Variants in AGTPBP1 observed in about 807,000 individuals in gnomAD.
AGTPBP1 encodes the protein ATP/GTP binding carboxypeptidase 1.
In AGTPBP1, 70 loss-of-function variants were observed where a neutral mutation model predicts 143.9. The observed-to-expected ratio is 0.49, with a 90% CI of 0.40 to 0.59. AGTPBP1 has a LOEUF of 0.59. Ranked by LOEUF, AGTPBP1 falls within the 20% of genes least tolerant of loss-of-function variation. The probability of loss-of-function intolerance (pLI) is 0.00; values close to 1 mark genes in which losing one functional copy is unlikely to be tolerated. For synonymous variants in AGTPBP1, 463 were observed against 500.2 expected (o/e 0.93, Z 0.99); for missense variants, 1,229 against 1,464.5 (o/e 0.84, Z 2.62).
chr9:85,638,589 C>T lies in AGTPBP1; in HGVS notation c.1302+4238G>A, dbSNP rs944796016. ...TTGGTATTTTTAAAATCCAACTATA[C>T]GCTGTTTAAAAAATACACATCGAAG... On this transcript the variant is annotated intron_variant, in intron 13 of 25. Transcript: ENST00000357081. Among the ~76,000 whole-genome samples, 14 of 151,786 alleles carry T rather than the reference C, an allele frequency of 9.2e-5. No individual in the cohort carries two copies. In the South Asian group the frequency reaches 1.7e-3, roughly 18 times the overall value.
At chr9:85,571,991 G>C (rs1827499001) in intron 25 of AGTPBP1, among the ~76,000 whole-genome samples, 1 of 114,116 alleles carries the variant, frequency 8.8e-6, no homozygotes, top group Non-Finnish European at 1.9e-5. Flanking sequence ...GCCATTATTA[G>C]TTGTTTGTGT....
chr9:85,798,362 C>CTTTTTTTTTTTTTT, the AGTPBP1 span, among the ~76,000 whole-genome samples: 1 of 119,268 alleles, frequency 8.4e-6, no homozygotes, highest in Admixed American at 8.3e-5. Context: ...CCTCCAAGTT[C>CTTTTTTTTTTTTTT]TTTTTTTTTT....
intron 25 of AGTPBP1, among the ~76,000 whole-genome samples, chr9:85,564,553 C>G (rs1826955187): frequency 6.6e-6 from 1 of 152,170 alleles, no homozygotes; most frequent in Admixed American, 6.5e-5. Flanking sequence ...TTTTACTGTG[C>G]TTTTTCTATA....
chr9:85,556,849 G>A (rs1008189536), intron 25 of AGTPBP1, among the ~76,000 whole-genome samples: 3 of 152,104 alleles, frequency 2.0e-5, no homozygotes, highest in Non-Finnish European at 4.4e-5. Flanking sequence ...GGACACATTC[G>A]CAGTGATAGG....
At chr9:85,712,853 G>C (rs751788062) in intron 1 of AGTPBP1, among the ~76,000 whole-genome samples, 1 of 152,230 alleles carries the variant, frequency 6.6e-6, no homozygotes. Context: ...AAGATCTTTT[G>C]AGACAGTTCA....
chr9:85,644,616 T>A (rs1200285240), intron 12 of AGTPBP1, among the ~76,000 whole-genome samples: 1 of 152,114 alleles, frequency 6.6e-6, no homozygotes, highest in Non-Finnish European at 1.5e-5. Context: ...AAAGTTCTGC[T>A]AGTTAAGGAA....
chr9:85,714,306 A>AGT (rs1483566034), intron 1 of AGTPBP1, among the ~76,000 whole-genome samples: 1 of 152,224 alleles, frequency 6.6e-6, no homozygotes, highest in African/African-American at 2.4e-5. Context: ...CTCAGTTGCC[A>AGT]GTGTGTGTTT....
At chr9:85,646,137 T>A (rs1050439297) in intron 12 of AGTPBP1, among the ~76,000 whole-genome samples, 184 bp downstream of exon 12, 51 of 152,260 alleles carry the variant, frequency 3.3e-4, no homozygotes, top group African/African-American at 1.2e-3. Context: ...TACTTTAAGG[T>A]CCTTTTCAGA....
At chr9:85,732,677 A>G (rs1838968654) in intron 1 of AGTPBP1, among the ~76,000 whole-genome samples, 1 of 152,206 alleles carries the variant, frequency 6.6e-6, no homozygotes, top group Non-Finnish European at 1.5e-5. Context: ...CAATCAAAAC[A>G]CAAAGACTGG....
intron 23 of AGTPBP1, among the ~76,000 whole-genome samples, chr9:85,581,063 G>A (rs1331562592): frequency 6.6e-6 from 1 of 152,170 alleles, no homozygotes; most frequent in African/African-American, 2.4e-5. Context: ...TATAAATCTG[G>A]AGTGTTTCCC....
At chr9:85,573,380 G>A (rs944080779) in intron 25 of AGTPBP1, among the ~76,000 whole-genome samples, 6 of 152,240 alleles carry the variant, frequency 3.9e-5, no homozygotes, top group Admixed American at 6.5e-5. Flanking sequence ...TGCTGGGATT[G>A]CAGACGGAGT....
intron 8 of AGTPBP1, 55 bp from the exon 9 acceptor site, chr9:85,661,028 C>T: frequency 7.1e-7 from 1 of 1,406,754 alleles, no homozygotes; most frequent in Non-Finnish European, 9.7e-7. Flanking sequence ...AATTAATCTA[C>T]AATAGTAAAT....
At position 85,672,687 on chromosome 9, in the gene AGTPBP1, TAAA is replaced by T; in HGVS notation, c.437-9_437-7del. 2 of 1,183,326 alleles carry T rather than the reference TAAA, an allele frequency of 1.7e-6. No individual in the cohort carries two copies. Among genetic ancestry groups the T allele is most frequent in the South Asian group, 1.6e-5 (1 of 62,758 alleles). The allele number at this position is 1,183,326 out of a possible 1,614,324, so 73.3% of individuals were successfully genotyped here. On this transcript the variant is annotated splice_polypyrimidine_tract_variant and splice_region_variant and intron_variant, in intron 6 of 25. Transcript: ENST00000357081. ...CTTTACTCCAAATTTTTTATCTGTTTAAAAAAAAAAAAGACAATTTATGCACAT... is the reference window on the plus strand; with the variant it reads ...CTTTACTCCAAATTTTTTATCTGTTTAAAAAAAAAGACAATTTATGCACAT...
chr9:85,589,805 C>A (rs2133207002), intron 19 of AGTPBP1, 124 bp from the exon 20 acceptor site: 2 of 928,752 alleles, frequency 2.2e-6, no homozygotes, highest in East Asian at 5.4e-5. Context: ...TTATCCAAAA[C>A]CCTCAGGGCC....
At chr9:85,625,594 G>T (rs927810976) in intron 14 of AGTPBP1, among the ~76,000 whole-genome samples, 1 of 146,392 alleles carries the variant, frequency 6.8e-6, no homozygotes, top group African/African-American at 2.6e-5. Context: ...TAAAAATACA[G>T]TTTTTTTTTT....
chr9:85,779,970 A>G, the AGTPBP1 span, among the ~76,000 whole-genome samples: 261 of 152,364 alleles, frequency 1.7e-3, no homozygotes, highest in African/African-American at 6.0e-3. Flanking sequence ...AATTAAGTTG[A>G]TTTATATGAC....
At chr9:85,619,584 A>G (rs1216175956) in intron 15 of AGTPBP1, among the ~76,000 whole-genome samples, 2 of 152,206 alleles carry the variant, frequency 1.3e-5, no homozygotes, top group Non-Finnish European at 2.9e-5. Context: ...TTTTTATACA[A>G]AAAAGAACAT....
chr9:85,622,468 A>G (rs778979655), intron 14 of AGTPBP1, among the ~76,000 whole-genome samples: 1 of 152,220 alleles, frequency 6.6e-6, no homozygotes, highest in Non-Finnish European at 1.5e-5. Flanking sequence ...TAATTGAAAA[A>G]TTAAAAATTA....
At chr9:85,700,618 T>C (rs1275826114) in intron 2 of AGTPBP1, among the ~76,000 whole-genome samples, 1 of 152,212 alleles carries the variant, frequency 6.6e-6, no homozygotes, top group South Asian at 2.1e-4. Flanking sequence ...GCAAGTGAGA[T>C]GTAGGCAGAT....
Sources: allele counts gnomAD v4.1 joint callset (sites outside exome capture counted in the v4.1 genomes callset), GRCh38; gene constraint gnomAD v4.1.1; transcripts MANE v1.5; gene names NCBI Gene and HGNC (gene_info 2026-07-23, HGNC 2026-07-21).